Variants in TANGO6 observed in about 807,000 individuals in gnomAD.
The protein encoded by TANGO6 is transport and Golgi organization protein 6 homolog.
In TANGO6, 90 loss-of-function variants were observed where a neutral mutation model predicts 114.2. That is an observed-to-expected ratio of 0.79 (90% CI 0.66 to 0.94). TANGO6 has a LOEUF of 0.94. TANGO6 is among the 40% of genes least tolerant of loss of function. The pLI is 0.00. For missense variants in TANGO6, 1,274 were observed against 1,315.3 expected (o/e 0.97, Z 0.49); for synonymous variants, 477 against 509.8 (o/e 0.94, Z 0.87).
At chr16:68,894,166 T>A (rs760893722) in intron 7 of TANGO6, among the ~76,000 whole-genome samples, 2 of 152,236 alleles carry the variant, frequency 1.3e-5, no homozygotes, top group African/African-American at 2.4e-5. Flanking sequence ...GAGTTCGAAA[T>A]GCAGCATTGG....
chr16:68,966,961 G>T (rs894032038), intron 14 of TANGO6, among the ~76,000 whole-genome samples: 1 of 151,928 alleles, frequency 6.6e-6, no homozygotes, highest in Non-Finnish European at 1.5e-5. Context: ...TAGTAGAGAC[G>T]GGGTTTTGCC....
intron 3 of TANGO6, among the ~76,000 whole-genome samples, chr16:68,866,330 A>G (rs1266880981): frequency 1.3e-5 from 2 of 152,142 alleles, no homozygotes; most frequent in African/African-American, 4.8e-5. Context: ...AGGACTTTTA[A>G]AAAATAATGT....
At chr16:68,940,466 G>T (rs764224213) in intron 14 of TANGO6, among the ~76,000 whole-genome samples, 26 of 152,112 alleles carry the variant, frequency 1.7e-4, no homozygotes, top group Non-Finnish European at 3.8e-4. Context: ...GGAAGTAAGG[G>T]TCTCATGATA....
At chr16:69,070,493 C>T (rs909396973) in intron 17 of TANGO6, among the ~76,000 whole-genome samples, 3 of 150,488 alleles carry the variant, frequency 2.0e-5, no homozygotes, top group African/African-American at 7.3e-5. Flanking sequence ...ATTAGCCAGG[C>T]ATGGAAGTGC....
intron 15 of TANGO6, among the ~76,000 whole-genome samples, chr16:68,988,253 C>T (rs2152217266): frequency 6.6e-6 from 1 of 152,334 alleles, no homozygotes; most frequent in East Asian, 1.9e-4. Flanking sequence ...TATTCCTCCT[C>T]ATATGACTCG....
chr16:68,911,873 G>T (rs1962927255), intron 11 of TANGO6, among the ~76,000 whole-genome samples: 1 of 152,178 alleles, frequency 6.6e-6, no homozygotes, highest in Non-Finnish European at 1.5e-5. Context: ...AGATGAATGG[G>T]ATCATATCTG....
chr16:68,927,698 C>A lies in TANGO6; in HGVS notation c.2258C>A (p.Ala753Asp), dbSNP rs1471861026. 1 of 1,613,990 alleles carries A rather than the reference C, an allele frequency of 6.2e-7. No individual in the cohort carries two copies. Among genetic ancestry groups the A allele is most frequent in the Non-Finnish European group, 8.5e-7 (1 of 1,179,892 alleles). ...DLRITISTHG[A>D]FATEAVSMAA... ...CGCATCACCATCTCTACCCATGGAGCCTTTGCCACTGAGGCCGTCAGCATG... is the reference window on the plus strand; with the variant it reads ...CGCATCACCATCTCTACCCATGGAGACTTTGCCACTGAGGCCGTCAGCATG... The change falls in exon 13 of 18, where the codon GCC (alanine) becomes GAC (aspartate). Residue 753 changes from alanine (A) to aspartate (D), a missense_variant. Physicochemically the swap from Ala to Asp is moderately radical, Grantham distance 126 (BLOSUM62 -2). Around this residue, in one of 5 missense-constraint regions of TANGO6, gnomAD observed 908 missense variants for 910.2 expected, o/e 1.00. Transcript: ENST00000261778.
Position 69,022,950 on chromosome 16 carries a change from G to A in TANGO6, c.2965G>A (p.Asp989Asn). The A allele has an allele frequency of 6.2e-7, 1 of 1,601,768 alleles. No homozygotes were observed. The change falls in exon 16 of 18, where the codon GAC (aspartate) becomes AAC (asparagine). Residue 989 changes from aspartate to asparagine, a missense_variant. This residue lies in a region of TANGO6 where 238 missense variants were observed against 252.9 expected (regional missense o/e 0.94). Coordinates refer to ENST00000261778, the MANE Select transcript of TANGO6 (RefSeq NM_024562.2). ...ANLGELCQRL[D>N]FLLGSVVHEV... The stretch of plus-strand genomic sequence containing the variant: ...CCTTGGGGAGCTGTGCCAGAGGCTG[G>A]ACTTTCTGCTGGGCTCCGTGGTCCA...
At chr16:69,061,733 TCCGGC>T (rs1165086801) in intron 17 of TANGO6, among the ~76,000 whole-genome samples, 1 of 151,476 alleles carries the variant, frequency 6.6e-6, no homozygotes, top group East Asian at 2.0e-4. Context: ...AGAATGCATT[TCCGGC>T]CGGGCGCGCG....
intron 17 of TANGO6, among the ~76,000 whole-genome samples, chr16:69,079,939 C>T (rs1432999831): frequency 1.3e-5 from 2 of 152,158 alleles, no homozygotes; most frequent in African/African-American, 4.8e-5. Flanking sequence ...ATGCATATTG[C>T]ACTGGGCACA....
Position 68,900,455 on chromosome 16 carries a change from C to A in TANGO6, c.1399C>A (p.Pro467Thr). The change falls in exon 8 of 18, where the codon CCT (proline) becomes ACT (threonine). Residue 467 changes from proline (P) to threonine (T), a missense_variant. By Grantham distance (38) the Pro-to-Thr change is conservative (BLOSUM62 -1). This residue lies in a region of TANGO6 where 908 missense variants were observed against 910.2 expected (regional missense o/e 1.00). Transcript: ENST00000261778. ...VFKVYVVGNE[P>T]LTVLMDSLLP... ...CTAGGTGTACGTGGTTGGGAATGAA[C>A]CTTTAACAGTTTTGATGGATTCCCT... The A allele has an allele frequency of 6.2e-7, 1 of 1,613,874 alleles. No homozygotes were observed.
At chr16:68,918,932 C>T (rs142437452) in intron 11 of TANGO6, among the ~76,000 whole-genome samples, 153 bp from the exon 12 acceptor site, 1 of 152,166 alleles carries the variant, frequency 6.6e-6, no homozygotes, top group Admixed American at 6.5e-5. Flanking sequence ...AAACACTGAA[C>T]ATCACATCTG....
rs1960501518 is a variant in TANGO6, at chr16:69,083,805, G to C, written c.*144G>C. ...GTGGTTTTATGGTGCAGGTCACTTG[G>C]GTCTTCAGGGTCCCTTCCGAGGGCA... On this transcript the variant is annotated 3_prime_UTR_variant, in exon 18 of 18. Coordinates refer to ENST00000261778, the MANE Select transcript of TANGO6 (RefSeq NM_024562.2). 6.2e-6 allele frequency: 5 copies of C among 808,440 alleles called. No individual in the cohort carries two copies. Among genetic ancestry groups the C allele is most frequent in the Non-Finnish European group, 9.5e-6 (5 of 526,850 alleles). The allele number at this position is 808,440 out of a possible 1,614,324, so 50.1% of individuals were successfully genotyped here. A position where few individuals can be genotyped will look rare whatever the true frequency, so the allele number is the denominator to read the frequency against.
At chr16:68,888,792 C>T (rs1962572394) in intron 7 of TANGO6, among the ~76,000 whole-genome samples, 1 of 152,138 alleles carries the variant, frequency 6.6e-6, no homozygotes, top group Non-Finnish European at 1.5e-5. Context: ...TGTAACCTCT[C>T]ACTTTTTAAA....
chr16:69,001,011 T>G (rs1964036737), intron 15 of TANGO6, among the ~76,000 whole-genome samples: 1 of 152,244 alleles, frequency 6.6e-6, no homozygotes, highest in Non-Finnish European at 1.5e-5. Context: ...AAATTTAAAA[T>G]GATTCTTACA....
intron 6 of TANGO6, among the ~76,000 whole-genome samples, chr16:68,880,019 C>G (rs968642228): frequency 6.6e-6 from 1 of 151,854 alleles, no homozygotes; most frequent in Non-Finnish European, 1.5e-5. Context: ...GTTGCCCATG[C>G]TTGAGTGCAG....
At chr16:68,928,708 T>C (rs1007016704) in intron 13 of TANGO6, among the ~76,000 whole-genome samples, 1 of 152,126 alleles carries the variant, frequency 6.6e-6, no homozygotes, top group African/African-American at 2.4e-5. Context: ...CTAGTAAAGT[T>C]TGAGCAGATG....
At chr16:68,898,558 T>G (rs1962738723) in intron 7 of TANGO6, among the ~76,000 whole-genome samples, 1 of 152,124 alleles carries the variant, frequency 6.6e-6, no homozygotes, top group South Asian at 2.1e-4. Context: ...AAGGCTGTTC[T>G]CAAACTCCTG....
At chr16:69,044,488 T>C (rs1191603611) in intron 17 of TANGO6, among the ~76,000 whole-genome samples, 1 of 152,056 alleles carries the variant, frequency 6.6e-6, no homozygotes, top group African/African-American at 2.4e-5. Flanking sequence ...CACGATAAGT[T>C]CCATTTGCTT....
Sources: gnomAD v4.1 joint callset for allele counts (sites outside exome capture counted in the v4.1 genomes callset) on GRCh38, gnomAD v4.1.1 for gene constraint, gnomAD v4.1.1 regional missense constraint, MANE v1.5 for transcripts, NCBI Gene and HGNC (gene_info 2026-07-23, HGNC 2026-07-21) for gene names.